The following FER1L6 variants were observed in gnomAD, a reference collection of about 807,000 sequenced individuals.
FER1L6 encodes the protein fer-1 like family member 6.
FER1L6 carries 177 observed loss-of-function variants against 219.2 expected under a neutral mutation model. The observed-to-expected ratio is 0.81, with a 90% CI of 0.71 to 0.91. The LOEUF (loss-of-function observed/expected upper bound fraction) is 0.91. Among genes scored for constraint, FER1L6 ranks in the 40% least tolerant of loss-of-function variants. The pLI is 0.00. For missense variants in FER1L6, 2,153 were observed against 2,259.9 expected, an observed-to-expected ratio of 0.95 and a Z score of 0.96; for synonymous variants, 768 against 824.3, an observed-to-expected ratio of 0.93 and a Z score of 1.17.
At chr8:123,905,473 T>G (rs1322435858) in intron 1 of FER1L6, among the ~76,000 whole-genome samples, 2 of 152,166 alleles carry the variant, frequency 1.3e-5, no homozygotes, top group East Asian at 3.8e-4. Flanking sequence ...CTTTATCCAG[T>G]TTATCATTGA....
intron 12 of FER1L6, among the ~76,000 whole-genome samples, chr8:123,994,446 TG>T (rs1174213127): frequency 4.0e-5 from 6 of 151,414 alleles, no homozygotes; most frequent in African/African-American, 1.5e-4. Context: ...AGAGAAGGAG[TG>T]GGGGGTAGCA....
intron 1 of FER1L6, among the ~76,000 whole-genome samples, chr8:123,931,549 G>C (rs1813771833): frequency 6.6e-6 from 1 of 152,212 alleles, no homozygotes; most frequent in Non-Finnish European, 1.5e-5. Context: ...CCTCTGCCAA[G>C]TATCCAACCC....
chr8:123,901,412 T>C (rs1812853021), intron 1 of FER1L6, among the ~76,000 whole-genome samples: 1 of 152,218 alleles, frequency 6.6e-6, no homozygotes, highest in African/African-American at 2.4e-5. Flanking sequence ...TTAATCTTGC[T>C]AACGGTCTGT....
chr8:123,930,382 T>A (rs1813724702), intron 1 of FER1L6, among the ~76,000 whole-genome samples: 4 of 152,180 alleles, frequency 2.6e-5, no homozygotes, highest in African/African-American at 4.8e-5. Flanking sequence ...TTGGTGCCTA[T>A]AAAGATACTT....
At chr8:123,979,841 C>G (rs542833677) in intron 10 of FER1L6, among the ~76,000 whole-genome samples, 1 of 152,194 alleles carries the variant, frequency 6.6e-6, no homozygotes, top group East Asian at 1.9e-4. Context: ...TCCTTTAAAA[C>G]ATTTCTGTAG....
chr8:124,085,550 G>A (rs961035799), intron 33 of FER1L6, among the ~76,000 whole-genome samples: 2 of 150,956 alleles, frequency 1.3e-5, no homozygotes, highest in African/African-American at 2.4e-5. Flanking sequence ...TCTTGTTATC[G>A]ATTTTGAGTT....
chr8:123,986,108 CA>C lies in FER1L6; in HGVS notation c.1452del (p.Phe486LeufsTer5), dbSNP rs781075616. On this transcript the variant is annotated frameshift_variant, in exon 12 of 41. Coordinates refer to ENST00000522917, the MANE Select transcript of FER1L6 (RefSeq NM_001039112.2). LOFTEE classifies it high-confidence loss of function. Reference sequence around the variant, plus strand: ...AATGAGGAATTTTTACTCTTTGGAGCATTTTTTGAAGCTACCATGATTGACC... The same window carrying C: ...AATGAGGAATTTTTACTCTTTGGAGCTTTTTTGAAGCTACCATGATTGACC... ...EKNEEFLLFG[A>X]FFEATMIDRK... The C allele has an allele frequency of 3.7e-6, 6 of 1,613,440 alleles. No individual in the cohort carries two copies. The South Asian group carries it at 6.6e-5, about 18-fold the overall frequency.
At chr8:123,960,295 CG>C (rs560995499) in intron 2 of FER1L6, among the ~76,000 whole-genome samples, 1 of 152,006 alleles carries the variant, frequency 6.6e-6, no homozygotes, top group Non-Finnish European at 1.5e-5. Flanking sequence ...TCGTTTTTGC[CG>C]AAAGTCTGGT....
Position 123,975,964 on chromosome 8 carries a change from CA to C in FER1L6, c.753del (p.Ala252GlnfsTer7). ...PWARFYVRLY[K>X]AEGLPKMNSS... ...GGGCCAGATTCTATGTGAGACTCTA[CA>C]AAGCAGAAGGGTTGCCCAAAATGAA... On this transcript the variant is annotated frameshift_variant, in exon 9 of 41. Coordinates refer to ENST00000522917, the MANE Select transcript of FER1L6 (RefSeq NM_001039112.2). LOFTEE classifies it high-confidence loss of function. 6.2e-7 allele frequency: 1 copy of C among 1,614,026 alleles called. No homozygotes were observed. The highest frequency in any genetic ancestry group is 1.1e-5 in the South Asian group (1 of 91,058).
At chr8:123,936,462 G>GTTTTTTTTTTTTTTT (rs779012175) in intron 1 of FER1L6, among the ~76,000 whole-genome samples, 1 of 97,928 alleles carries the variant, frequency 1.0e-5, no homozygotes, top group Non-Finnish European at 2.0e-5. Context: ...ATTGCAGCCT[G>GTTTTTTTTTTTTTTT]TTTTTTTTTT....
chr8:123,919,763 G>C (rs986195784), intron 1 of FER1L6, among the ~76,000 whole-genome samples: 1 of 152,168 alleles, frequency 6.6e-6, no homozygotes, highest in Non-Finnish European at 1.5e-5. Flanking sequence ...AAAGCACAGG[G>C]ATGCTCATGG....
At chr8:123,900,873 T>C (rs906362051) in intron 1 of FER1L6, among the ~76,000 whole-genome samples, 1 of 152,218 alleles carries the variant, frequency 6.6e-6, no homozygotes, top group African/African-American at 2.4e-5. Flanking sequence ...TGGTGGATTA[T>C]CTTTTTGATA....
chr8:124,117,940 C>T (rs568667514), intron 39 of FER1L6, among the ~76,000 whole-genome samples: 5 of 152,244 alleles, frequency 3.3e-5, no homozygotes, highest in Admixed American at 6.5e-5. Flanking sequence ...TATCAGCAAT[C>T]GTGTGTAATA....
rs1204358015 is a variant in FER1L6 at position 124,071,699 on chromosome 8, G to A, written c.4092+68G>A. On this transcript the variant is annotated intron_variant, in intron 31 of 40. Transcript: ENST00000522917. ...TCAGGCTGCCATAACAAAATATATGGCAGACTGGGAGGCTTAAACAACAGA... is the reference window on the plus strand; with the variant it reads ...TCAGGCTGCCATAACAAAATATATGACAGACTGGGAGGCTTAAACAACAGA... 10 of 1,536,634 alleles carry A rather than the reference G, an allele frequency of 6.5e-6. No individual in the cohort carries two copies. In the Admixed American group the frequency reaches 9.2e-5, roughly 14 times the overall value.
intron 22 of FER1L6, among the ~76,000 whole-genome samples, chr8:124,053,074 T>G: frequency 6.6e-6 from 1 of 152,226 alleles, no homozygotes. Context: ...TGAGGCTCAA[T>G]GCTAACTGAA....
In FER1L6 at chr8:124,080,901, T is replaced by C. The variant is rs1490416282; in HGVS notation, c.4221-1387T>C. Reference sequence around the variant, plus strand: ...ACTATGCCTTCAGATGGAAGACATATGGATTTCTTTCCCACACAACCATAT... The same window carrying C: ...ACTATGCCTTCAGATGGAAGACATACGGATTTCTTTCCCACACAACCATAT... On this transcript the variant is annotated intron_variant, in intron 32 of 40. Coordinates refer to ENST00000522917, the MANE Select transcript of FER1L6 (RefSeq NM_001039112.2). 3.3e-5 allele frequency among the ~76,000 whole-genome samples: 5 copies of C among 152,282 alleles called. No homozygotes were observed. In the East Asian group the frequency reaches 9.7e-4, roughly 29 times the overall value.
rs150357844 is a variant in FER1L6, at chr8:123,940,980, T to C, written c.-7-15012T>C. 4.8e-3 allele frequency among the ~76,000 whole-genome samples: 734 copies of C among 152,316 alleles called. 2 individuals carry two copies. The highest frequency in any genetic ancestry group is 0.017 in the African/African-American group (711 of 41,568). On this transcript the variant is annotated intron_variant, in intron 1 of 40. Transcript: ENST00000522917. ...TTTCTGTTTGGCTCTAATCTCCTGATGGGTGGCAGTTTTGTCTGTTTCTTT... is the reference window on the plus strand; with the variant it reads ...TTTCTGTTTGGCTCTAATCTCCTGACGGGTGGCAGTTTTGTCTGTTTCTTT...
At chr8:124,044,287 T>C in intron 20 of FER1L6, among the ~76,000 whole-genome samples, 1 of 152,242 alleles carries the variant, frequency 6.6e-6, no homozygotes, top group Non-Finnish European at 1.5e-5. Flanking sequence ...GTTGAAGTCA[T>C]TCATTTCCTA....
chr8:124,035,600 G>A, intron 19 of FER1L6, 146 bp downstream of exon 19: 1 of 732,786 alleles, frequency 1.4e-6, no homozygotes, highest in Non-Finnish European at 2.2e-6. Context: ...CAGTTTCTAA[G>A]TGTTCTACCT....
Sources: allele counts gnomAD v4.1 joint callset (sites outside exome capture counted in the v4.1 genomes callset), GRCh38; gene constraint gnomAD v4.1.1; transcripts MANE v1.5; gene names NCBI Gene and HGNC (gene_info 2026-07-23, HGNC 2026-07-21).